The following VWA3B variants were observed in gnomAD, a reference collection of about 807,000 sequenced individuals.
The protein encoded by VWA3B is von Willebrand factor A domain-containing protein 3B.
A neutral mutation model predicts 158.3 loss-of-function variants in VWA3B; 138 were observed. That is an observed-to-expected ratio of 0.87 (90% CI 0.76 to 1.00). VWA3B has a LOEUF of 1.00. Among genes scored for constraint, VWA3B ranks in the 50% least tolerant of loss-of-function variants. The probability of loss-of-function intolerance (pLI) is 0.00; values close to 1 mark genes in which losing one functional copy is unlikely to be tolerated. For synonymous variants in VWA3B, 596 were observed against 587.3 expected, an observed-to-expected ratio of 1.01 and a Z score of -0.21; for missense variants, 1,555 against 1,565.1, an observed-to-expected ratio of 0.99 and a Z score of 0.11.
intron 8 of VWA3B, among the ~76,000 whole-genome samples, chr2:98,174,174 G>A (rs1679822897): frequency 6.6e-6 from 1 of 152,202 alleles, no homozygotes; most frequent in Non-Finnish European, 1.5e-5. Context: ...AACCCAAGGT[G>A]TGCAGCAATC....
intron 7 of VWA3B, among the ~76,000 whole-genome samples, chr2:98,140,711 G>C (rs1178751447): frequency 2.0e-5 from 3 of 152,180 alleles, no homozygotes; most frequent in African/African-American, 7.2e-5. Context: ...GAACCACCCA[G>C]CCCCCAGCAG....
intron 7 of VWA3B, among the ~76,000 whole-genome samples, chr2:98,137,184 T>A (rs1038086364): frequency 6.6e-6 from 1 of 152,242 alleles, no homozygotes; most frequent in African/African-American, 2.4e-5. Flanking sequence ...TTCTGAATCA[T>A]ATATGGGGAT....
intron 26 of VWA3B, among the ~76,000 whole-genome samples, chr2:98,305,291 G>A: frequency 6.6e-6 from 1 of 152,212 alleles, no homozygotes. Context: ...GACTCCGAGA[G>A]TGGGCCTGGA....
rs764404242 is a variant in VWA3B, at chr2:98,257,553, CT to C, written c.2843+1390del. ...CATGAACACTTGACATTTTCCTTTT[CT>C]TTTTTTTTTTAAGTCATTCTCATGG... is the stretch of plus-strand genomic sequence containing the variant. On this transcript the variant is annotated intron_variant, in intron 21 of 27. Transcript: ENST00000477737. 7.3e-4 allele frequency among the ~76,000 whole-genome samples: 106 copies of C among 145,226 alleles called. No individual in the cohort carries two copies. The Middle Eastern group carries it at 0.014, about 20-fold the overall frequency.
chr2:98,323,599 A>G, the VWA3B span, among the ~76,000 whole-genome samples: 1 of 152,144 alleles, frequency 6.6e-6, no homozygotes, highest in Non-Finnish European at 1.5e-5. Flanking sequence ...AGGAACCTCA[A>G]AACATGATAA....
At chr2:98,252,894 A>G (rs1429311520) in intron 20 of VWA3B, among the ~76,000 whole-genome samples, 1 of 152,136 alleles carries the variant, frequency 6.6e-6, no homozygotes, top group Non-Finnish European at 1.5e-5. Context: ...CTCTAGAGAA[A>G]TATTGTCACT....
At chr2:98,097,311 T>C (rs1682784641) in intron 2 of VWA3B, among the ~76,000 whole-genome samples, 1 of 152,236 alleles carries the variant, frequency 6.6e-6, no homozygotes, top group Non-Finnish European at 1.5e-5. Flanking sequence ...TACCTTTGTA[T>C]ACCCATAGCT....
At position 98,217,014 on chromosome 2, in the gene VWA3B, T is replaced by TCTAA. The variant is rs761326905; in HGVS notation, c.1837-831_1837-830insTAAC. 9.6e-6 allele frequency: 12 copies of TCTAA among 1,247,046 alleles called. 1 individual carries two copies. In the South Asian group the frequency reaches 1.6e-4, roughly 16 times the overall value. 77.2% of individuals were successfully genotyped at this position (1,247,046 alleles called of 1,614,324 possible). ...CCGCACCCAGTCTCAGGTGGTCCCT[T>TCTAA]CATGCTAAACTGGCATGATGTTCAA... On this transcript the variant is annotated intron_variant, in intron 13 of 27. Coordinates refer to ENST00000477737, the MANE Select transcript of VWA3B (RefSeq NM_144992.5).
intron 8 of VWA3B, among the ~76,000 whole-genome samples, chr2:98,163,499 C>T (rs1004814691): frequency 2.0e-5 from 3 of 152,170 alleles, no homozygotes. Context: ...GATCGTGCCA[C>T]TGCACTCCAG....
At chr2:98,263,706 T>G (rs1687620461) in intron 21 of VWA3B, among the ~76,000 whole-genome samples, 1 of 152,036 alleles carries the variant, frequency 6.6e-6, no homozygotes, top group Admixed American at 6.6e-5. Context: ...TTCTTTTTCC[T>G]TGTAGTATCT....
intron 19 of VWA3B, among the ~76,000 whole-genome samples, chr2:98,238,409 G>A (rs544632386): frequency 1.3e-5 from 2 of 152,256 alleles, no homozygotes; most frequent in Admixed American, 6.5e-5. Flanking sequence ...CTTGTAGGAG[G>A]TTTGGGGACA....
rs528202641 is a variant in VWA3B, at chr2:98,293,751, C to A, written c.3157+3129C>A. On this transcript the variant is annotated intron_variant, in intron 23 of 27. Transcript: ENST00000477737. ...GAGTAAGAATAATCTCTTAATATAA[C>A]CACAATAAAGGTAGAAAATTCAAAA... is the stretch of plus-strand genomic sequence containing the variant. 9.8e-4 allele frequency among the ~76,000 whole-genome samples: 149 copies of A among 152,122 alleles called. 2 individuals carry two copies. The Middle Eastern group carries it at 0.01, about 10-fold the overall frequency.
At chr2:98,311,463 AC>A (rs1281686404) in intron 26 of VWA3B, among the ~76,000 whole-genome samples, 2 of 152,236 alleles carry the variant, frequency 1.3e-5, no homozygotes, top group Non-Finnish European at 2.9e-5. Context: ...ACAGGGATGA[AC>A]TGGGCTGTGA....
At chr2:98,120,123 T>A (rs1277497314) in intron 4 of VWA3B, among the ~76,000 whole-genome samples, 4 of 152,238 alleles carry the variant, frequency 2.6e-5, no homozygotes, top group Non-Finnish European at 2.9e-5. Flanking sequence ...CAAATGTCAC[T>A]AATTTCACTG....
chr2:98,221,163 A>G (rs968637660), intron 14 of VWA3B, among the ~76,000 whole-genome samples: 1 of 152,002 alleles, frequency 6.6e-6, no homozygotes, highest in African/African-American at 2.4e-5. Context: ...TTGTCGTGTC[A>G]TTCTCCAAGT....
intron 20 of VWA3B, 38 bp from the exon 21 acceptor site, chr2:98,256,086 C>G (rs1386830545): frequency 6.2e-7 from 1 of 1,610,592 alleles, no homozygotes; most frequent in Admixed American, 1.7e-5. Context: ...AAATGAAGTA[C>G]TGCTACAAAA....
chr2:98,313,513 A>C (rs1038277695), downstream of VWA3B, among the ~76,000 whole-genome samples: 3 of 152,240 alleles, frequency 2.0e-5, no homozygotes. Flanking sequence ...GAGGGTCTGA[A>C]GGAAGCAAGG....
intron 20 of VWA3B, among the ~76,000 whole-genome samples, chr2:98,252,296 T>C (rs1193519732): frequency 6.6e-6 from 1 of 152,206 alleles, no homozygotes; most frequent in Non-Finnish European, 1.5e-5. Flanking sequence ...TGTGTGTATA[T>C]GACTATTCAA....
intron 13 of VWA3B, among the ~76,000 whole-genome samples, chr2:98,214,212 A>G (rs1278270315): frequency 1.3e-5 from 2 of 151,604 alleles, no homozygotes; most frequent in East Asian, 3.9e-4. Flanking sequence ...CAAAAAAAAA[A>G]GCAAAACACA....
Sources: allele counts gnomAD v4.1 joint callset (sites outside exome capture counted in the v4.1 genomes callset), GRCh38; gene constraint gnomAD v4.1.1; transcripts MANE v1.5; gene names NCBI Gene and HGNC (gene_info 2026-07-23, HGNC 2026-07-21).